Variants in ESD observed in about 807,000 individuals in gnomAD.
ESD encodes esterase D, also known as S-formylglutathione hydrolase.
A neutral mutation model predicts 38.1 loss-of-function variants in ESD; 34 were observed. That is an observed-to-expected ratio of 0.89 (90% confidence interval 0.68 to 1.19). The LOEUF (loss-of-function observed/expected upper bound fraction) is 1.19. Among genes scored for constraint, ESD ranks in the 50% most tolerant of loss-of-function variants. The pLI is 0.00. For missense variants in ESD, 334 were observed against 327.2 expected, an observed-to-expected ratio of 1.02 and a Z score of -0.16; for synonymous variants, 97 against 107.0, an observed-to-expected ratio of 0.91 and a Z score of 0.58.
chr13:46,787,466 T>A (rs1445123955), intron 3 of ESD, among the ~76,000 whole-genome samples: 1 of 152,006 alleles, frequency 6.6e-6, no homozygotes, highest in East Asian at 1.9e-4. Context: ...CATAAAAAAA[T>A]GAATTCTTGA....
In ESD at chr13:46,782,650, A is replaced by C; in HGVS notation, c.381+17T>G. 1 of 1,610,058 alleles carries C rather than the reference A, an allele frequency of 6.2e-7. No individual in the cohort carries two copies. Among genetic ancestry groups the C allele is most frequent in the Non-Finnish European group, 8.5e-7 (1 of 1,177,710 alleles). On this transcript the variant is annotated intron_variant, in intron 6 of 9. Coordinates refer to ENST00000378720, the MANE Select transcript of ESD (RefSeq NM_001984.2). ...TTGGCAGTCATCAATTAATAATTAC[A>C]ATACAAATTAAATTACCTCCTCTGT... is the stretch of plus-strand genomic sequence containing the variant.
At chr13:46,793,214 G>C (rs1875457690) in intron 2 of ESD, among the ~76,000 whole-genome samples, 183 bp downstream of exon 2, 1 of 151,936 alleles carries the variant, frequency 6.6e-6, no homozygotes. Context: ...CAAGAAATAT[G>C]ACATAAACTA....
intron 2 of ESD, among the ~76,000 whole-genome samples, chr13:46,792,273 A>T (rs907478997): frequency 6.6e-6 from 1 of 152,032 alleles, no homozygotes; most frequent in Non-Finnish European, 1.5e-5. Flanking sequence ...TAAGGCAGTA[A>T]GTCCTACATA....
At chr13:46,789,826 G>A (rs1160866259) in intron 3 of ESD, among the ~76,000 whole-genome samples, 1 of 151,412 alleles carries the variant, frequency 6.6e-6, no homozygotes, top group East Asian at 1.9e-4. Flanking sequence ...TTTATTTTAT[G>A]TTTTTTGAGA....
At chr13:46,781,091 A>G (rs1874980978) in intron 7 of ESD, among the ~76,000 whole-genome samples, 1 of 151,740 alleles carries the variant, frequency 6.6e-6, no homozygotes, top group Non-Finnish European at 1.5e-5. Context: ...TACAAATCAT[A>G]TCTTTTACCT....
At chr13:46,771,751 A>G (rs1040190961) in intron 9 of ESD, among the ~76,000 whole-genome samples, 1 of 152,160 alleles carries the variant, frequency 6.6e-6, no homozygotes, top group African/African-American at 2.4e-5. Flanking sequence ...CCTAACTTCT[A>G]AATGCTGCCA....
Position 46,777,534 on chromosome 13 carries a change from T to C in ESD, c.690A>G (p.Leu230=). 6.2e-7 allele frequency: 1 copy of C among 1,611,620 alleles called. No homozygotes were observed. The highest frequency in any genetic ancestry group is 8.5e-7 in the Non-Finnish European group (1 of 1,178,312). ...IDQGKDDQFL[L]DGQLLPDNFI... ...AGTTATCAGGGAGTAACTGTCCATCTAAAAGAAACTGGTCATCTTTCCCTT... is the reference window on the plus strand; with the variant it reads ...AGTTATCAGGGAGTAACTGTCCATCCAAAAGAAACTGGTCATCTTTCCCTT... Residue 230 remains leucine, a synonymous_variant, in exon 9 of 10, where the codon TTA becomes TTG. Transcript: ENST00000378720.
At chr13:46,781,722 T>TA in intron 6 of ESD, 107 bp from the exon 7 acceptor site, 1 of 1,041,788 alleles carries the variant, frequency 9.6e-7, no homozygotes, top group Non-Finnish European at 1.4e-6. Context: ...ATCATAGTCT[T>TA]ACAATGGTTT....
At chr13:46,776,291 A>G (rs932872608) in intron 9 of ESD, 2 of 152,178 alleles carry the variant, frequency 1.3e-5, no homozygotes, top group East Asian at 3.9e-4. Context: ...TATAGTTCAC[A>G]TGTGCAAAAT....
chr13:46,782,245 T>A (rs1392116549), intron 6 of ESD, among the ~76,000 whole-genome samples: 1 of 151,802 alleles, frequency 6.6e-6, no homozygotes, highest in African/African-American at 2.4e-5. Flanking sequence ...TTCTAAGTTT[T>A]TATGATATAC....
At chr13:46,780,699 C>T (rs1037486876) in intron 7 of ESD, among the ~76,000 whole-genome samples, 2 of 151,596 alleles carry the variant, frequency 1.3e-5, no homozygotes, top group Non-Finnish European at 3.0e-5. Context: ...CACTGTCAGG[C>T]CATGAATTAA....
At chr13:46,779,873 C>T in intron 8 of ESD, 62 bp downstream of exon 8, 7 of 1,327,598 alleles carry the variant, frequency 5.3e-6, no homozygotes, top group Non-Finnish European at 7.4e-6. Flanking sequence ...TAATATATGT[C>T]CAACCTTTTA....
At chr13:46,788,280 G>A (rs905529011) in intron 3 of ESD, among the ~76,000 whole-genome samples, 2 of 151,884 alleles carry the variant, frequency 1.3e-5, no homozygotes, top group East Asian at 3.9e-4. Context: ...TCCATTCTCT[G>A]CATATTGGTG....
intron 1 of ESD, among the ~76,000 whole-genome samples, chr13:46,796,782 G>A (rs1236961131): frequency 3.3e-5 from 5 of 152,266 alleles, no homozygotes; most frequent in Admixed American, 3.3e-4. Flanking sequence ...CGCGGTGGCT[G>A]CGGGTCTAGG....
intron 8 of ESD, among the ~76,000 whole-genome samples, chr13:46,778,382 T>A (rs2138287697): frequency 6.6e-6 from 1 of 152,028 alleles, no homozygotes; most frequent in South Asian, 2.1e-4. Context: ...CCTTTCATCT[T>A]AGAGTGGGAG....
chr13:46,777,646 G>A (rs1187604506), intron 8 of ESD, 23 bp from the exon 9 acceptor site: 4 of 1,561,812 alleles, frequency 2.6e-6, no homozygotes, highest in East Asian at 4.5e-5. Context: ...AAGTAACATT[G>A]AAAAATAAAT....
At chr13:46,795,381 A>G (rs1379868644) in intron 1 of ESD, among the ~76,000 whole-genome samples, 2 of 152,206 alleles carry the variant, frequency 1.3e-5, no homozygotes, top group African/African-American at 2.4e-5. Context: ...AAAAACTGTG[A>G]TAAAAACACA....
At position 46,777,525 on chromosome 13, in the gene ESD, C is replaced by T. The variant is rs748728189; in HGVS notation, c.699G>A (p.Gln233=). ...GKDDQFLLDG[Q]LLPDNFIAAC... ...CAGCTATGAAGTTATCAGGGAGTAA[C>T]TGTCCATCTAAAAGAAACTGGTCAT... The change falls in exon 9 of 10, where the codon CAG becomes CAA. Residue 233 remains glutamine, a synonymous_variant. Coordinates refer to ENST00000378720, the MANE Select transcript of ESD (RefSeq NM_001984.2). 1 of 1,611,366 alleles carries T rather than the reference C, an allele frequency of 6.2e-7. No homozygotes were observed. Among genetic ancestry groups the T allele is most frequent in the Admixed American group, 1.7e-5 (1 of 59,904 alleles).
chr13:46,781,308 A>G (rs1173416064), intron 7 of ESD, among the ~76,000 whole-genome samples, 188 bp downstream of exon 7: 1 of 151,744 alleles, frequency 6.6e-6, no homozygotes, highest in Non-Finnish European at 1.5e-5. Flanking sequence ...CTGAATTCCT[A>G]TGCGTCTGAT....
Sources: allele counts gnomAD v4.1 joint callset (sites outside exome capture counted in the v4.1 genomes callset), GRCh38; gene constraint gnomAD v4.1.1; transcripts MANE v1.5; gene names NCBI Gene and HGNC (gene_info 2026-07-23, HGNC 2026-07-21).